TAFA2: variants seen among roughly 807,000 people sequenced by gnomAD.
TAFA2 encodes TAFA chemokine like family member 2, also known as chemokine-like protein TAFA-2.
A neutral mutation model predicts 18.8 loss-of-function variants in TAFA2; 7 were observed. That is an observed-to-expected ratio of 0.37 (90% CI 0.21 to 0.70). The LOEUF (loss-of-function observed/expected upper bound fraction) is 0.70, where lower values mean the gene tolerates loss of function less well. TAFA2 is among the 30% of genes least tolerant of loss of function. The pLI, the probability that TAFA2 is intolerant of heterozygous loss-of-function variation, is 0.53. For synonymous variants in TAFA2, 60 were observed against 54.2 expected (o/e 1.11, Z -0.47); for missense variants, 122 against 158.1 (o/e 0.77, Z 1.23).
intron 4 of TAFA2, among the ~76,000 whole-genome samples, chr12:61,745,897 G>A (rs1329521442): frequency 1.3e-5 from 2 of 152,100 alleles, no homozygotes; most frequent in African/African-American, 4.8e-5. Flanking sequence ...AAAGGGAACA[G>A]ATGGGGGAAG....
At chr12:61,836,569 C>A (rs1872927258) in intron 2 of TAFA2, among the ~76,000 whole-genome samples, 1 of 151,638 alleles carries the variant, frequency 6.6e-6, no homozygotes, top group Non-Finnish European at 1.5e-5. Context: ...CTGCTAATCT[C>A]AATTACACTG....
At chr12:62,071,250 G>A (rs976811577) in intron 1 of TAFA2, among the ~76,000 whole-genome samples, 6 of 152,140 alleles carry the variant, frequency 3.9e-5, no homozygotes, top group African/African-American at 1.2e-4. Context: ...GGCTGAAATC[G>A]GAATGCTAAG....
In TAFA2 at chr12:61,742,163, G is replaced by T. The variant is rs185567471; in HGVS notation, c.384+11459C>A. ...GTCTGCTTCTGCCTCCCAAAGTGCT[G>T]GGATTACAGGCATGAGCCACTGTGC... On this transcript the variant is annotated intron_variant, in intron 4 of 4. Coordinates refer to ENST00000416284, the MANE Select transcript of TAFA2 (RefSeq NM_178539.5). 3.1e-3 allele frequency among the ~76,000 whole-genome samples: 478 copies of T among 152,172 alleles called. 1 individual carries two copies. Among genetic ancestry groups the T allele is most frequent in the Middle Eastern group, 0.01 (3 of 292 alleles).
chr12:62,118,353 C>T (rs571206873), intron 1 of TAFA2, among the ~76,000 whole-genome samples: 2 of 151,928 alleles, frequency 1.3e-5, no homozygotes, highest in East Asian at 3.9e-4. Context: ...GTGAATATAC[C>T]ACAGTTTATT....
chr12:61,829,744 T>C (rs17125395), intron 2 of TAFA2, among the ~76,000 whole-genome samples: 3,023 of 151,746 alleles, frequency 0.02, 101 homozygotes, highest in African/African-American at 0.069. Flanking sequence ...AGAAGTAATG[T>C]CATAATGCTA....
intron 1 of TAFA2, among the ~76,000 whole-genome samples, chr12:61,894,392 G>A (rs1875755225): frequency 6.6e-6 from 1 of 152,186 alleles, no homozygotes; most frequent in Non-Finnish European, 1.5e-5. Context: ...ACCTTTGCAT[G>A]TGTTGCATTA....
chr12:62,053,896 A>G (rs914198945), intron 1 of TAFA2, among the ~76,000 whole-genome samples: 1 of 152,218 alleles, frequency 6.6e-6, no homozygotes, highest in Non-Finnish European at 1.5e-5. Flanking sequence ...AGAGCTTAAT[A>G]CATAGAAAAT....
At chr12:62,195,400 C>T (rs1422219845), upstream of TAFA2, among the ~76,000 whole-genome samples, 1 of 152,162 alleles carries the variant, frequency 6.6e-6, no homozygotes, top group Non-Finnish European at 1.5e-5. Flanking sequence ...TGAATGATCT[C>T]CAGAAGCTTT....
At chr12:62,221,131 A>AAAAAC (rs1231533523) in intron 1 of TAFA2, among the ~76,000 whole-genome samples, 4 of 148,506 alleles carry the variant, frequency 2.7e-5, no homozygotes, top group Non-Finnish European at 6.0e-5. Context: ...AAACAAAAAC[A>AAAAAC]AAACACAAGG....
At chr12:61,916,975 A>T (rs2121355666) in intron 1 of TAFA2, among the ~76,000 whole-genome samples, 1 of 152,280 alleles carries the variant, frequency 6.6e-6, no homozygotes, top group Middle Eastern at 3.4e-3. Context: ...ATTGTCATTC[A>T]TGTCTAATTA....
At chr12:61,825,610 G>A (rs895633991) in intron 2 of TAFA2, among the ~76,000 whole-genome samples, 6 of 152,026 alleles carry the variant, frequency 3.9e-5, no homozygotes, top group African/African-American at 9.7e-5. Context: ...GGAGTCAAAC[G>A]ACAAAGCAAC....
At chr12:62,097,592 G>C (rs1486596008) in intron 1 of TAFA2, among the ~76,000 whole-genome samples, 2 of 152,186 alleles carry the variant, frequency 1.3e-5, no homozygotes, top group East Asian at 3.9e-4. Context: ...TGATCTGCTT[G>C]ATTATATTTT....
At chr12:61,754,818 G>C (rs371948053) in intron 3 of TAFA2, 54 bp downstream of exon 3, 2 of 1,590,020 alleles carry the variant, frequency 1.3e-6, no homozygotes, top group East Asian at 2.3e-5. Flanking sequence ...TGGGGTTCTA[G>C]TTCTAAGCCA....
chr12:62,179,969 T>C (rs2062540940), intron 1 of TAFA2, among the ~76,000 whole-genome samples: 1 of 152,168 alleles, frequency 6.6e-6, no homozygotes. Flanking sequence ...TTTCATAAAA[T>C]GCAAAGTAAA....
In TAFA2 at chr12:61,710,218, G is replaced by A; in HGVS notation, c.*188C>T. On this transcript the variant is annotated 3_prime_UTR_variant, in exon 5 of 5. Transcript: ENST00000416284. ...AAATCTGCTGAAATCTTCATGACAT[G>A]CAAGTTCATGTCTGACTTTTAAAAA... 1.1e-5 allele frequency: 6 copies of A among 570,672 alleles called. No individual in the cohort carries two copies. Among genetic ancestry groups the A allele is most frequent in the Non-Finnish European group, 1.9e-5 (6 of 317,358 alleles). The allele number at this position is 570,672 out of a possible 1,614,324, so 35.4% of individuals were successfully genotyped here.
At chr12:61,795,493 C>T (rs2120943001) in intron 2 of TAFA2, among the ~76,000 whole-genome samples, 1 of 151,964 alleles carries the variant, frequency 6.6e-6, no homozygotes, top group African/African-American at 2.4e-5. Context: ...AAAAACCAAA[C>T]ACCACATGTT....
intron 1 of TAFA2, among the ~76,000 whole-genome samples, chr12:61,982,164 A>G (rs1178981816): frequency 6.6e-6 from 1 of 152,196 alleles, no homozygotes; most frequent in African/African-American, 2.4e-5. Context: ...GCTGGAAACC[A>G]TCATTCTCAG....
At chr12:61,963,740 T>C (rs1305190526) in intron 1 of TAFA2, among the ~76,000 whole-genome samples, 1 of 151,968 alleles carries the variant, frequency 6.6e-6, no homozygotes, top group African/African-American at 2.4e-5. Flanking sequence ...TTATATTTCA[T>C]ATGAAACCAA....
At chr12:61,955,716 G>T (rs1485024690) in intron 1 of TAFA2, among the ~76,000 whole-genome samples, 3 of 136,628 alleles carry the variant, frequency 2.2e-5, no homozygotes, top group Non-Finnish European at 4.6e-5. Flanking sequence ...CAGTCACAAG[G>T]AGGGGTATGT....
Sources: allele counts gnomAD v4.1 joint callset (sites outside exome capture counted in the v4.1 genomes callset), GRCh38; gene constraint gnomAD v4.1.1; transcripts MANE v1.5; gene names NCBI Gene and HGNC (gene_info 2026-07-23, HGNC 2026-07-21).